LUZP2: variants seen among roughly 807,000 people sequenced by gnomAD.
The protein encoded by LUZP2 is leucine zipper protein 2.
A neutral mutation model predicts 51.6 loss-of-function variants in LUZP2; 52 were observed. That is an observed-to-expected ratio of 1.01 (90% CI 0.81 to 1.27). The LOEUF is 1.27. Ranked by LOEUF, LUZP2 falls within the 50% of genes most tolerant of loss-of-function variation. The probability of loss-of-function intolerance (pLI) is 0.00; values close to 1 mark genes in which losing one functional copy is unlikely to be tolerated. For missense variants in LUZP2, 436 were observed against 395.4 expected, an observed-to-expected ratio of 1.10 and a Z score of -0.87; for synonymous variants, 154 against 137.3, an observed-to-expected ratio of 1.12 and a Z score of -0.85.
At chr11:24,907,127 C>T (rs1343153922) in intron 6 of LUZP2, among the ~76,000 whole-genome samples, 6 of 152,058 alleles carry the variant, frequency 3.9e-5, no homozygotes, top group African/African-American at 1.4e-4. Context: ...GAAATAGTCT[C>T]TTCTATCTCA....
chr11:24,990,881 A>G (rs191332731), intron 9 of LUZP2, among the ~76,000 whole-genome samples: 21 of 151,864 alleles, frequency 1.4e-4, no homozygotes, highest in Non-Finnish European at 2.4e-4. Flanking sequence ...CCCCCCTTTC[A>G]TGGGTTCATC....
At chr11:25,015,869 G>C (rs1486256501) in intron 9 of LUZP2, among the ~76,000 whole-genome samples, 2 of 150,468 alleles carry the variant, frequency 1.3e-5, no homozygotes, top group Admixed American at 6.6e-5. Context: ...TTACATGAAC[G>C]AATTGTATAG....
intron 5 of LUZP2, among the ~76,000 whole-genome samples, chr11:24,829,608 A>G (rs1850640327): frequency 6.6e-6 from 1 of 152,228 alleles, no homozygotes; most frequent in Non-Finnish European, 1.5e-5. Context: ...GGCTATAGCC[A>G]TTGCTGCATT....
At chr11:24,712,472 A>G (rs1857871491) in intron 1 of LUZP2, among the ~76,000 whole-genome samples, 1 of 152,176 alleles carries the variant, frequency 6.6e-6, no homozygotes, top group Non-Finnish European at 1.5e-5. Context: ...TTTGCAGCTA[A>G]GGAACAGGAT....
chr11:24,817,688 T>C (rs529816920), intron 5 of LUZP2, among the ~76,000 whole-genome samples: 1 of 152,218 alleles, frequency 6.6e-6, no homozygotes, highest in South Asian at 2.1e-4. Context: ...TTGGTATTTT[T>C]TTCTAATCTG....
chr11:24,607,697 T>A (rs1853975529), intron 1 of LUZP2, among the ~76,000 whole-genome samples: 1 of 152,124 alleles, frequency 6.6e-6, no homozygotes, highest in Non-Finnish European at 1.5e-5. Context: ...CTGATAAGGA[T>A]CGCATTGGAT....
At chr11:24,961,516 T>C (rs1855405360) in intron 7 of LUZP2, among the ~76,000 whole-genome samples, 1 of 152,068 alleles carries the variant, frequency 6.6e-6, no homozygotes, top group Admixed American at 6.6e-5. Context: ...CTTCTTTGTC[T>C]CTTTTGATCT....
intron 7 of LUZP2, among the ~76,000 whole-genome samples, chr11:24,942,848 A>T (rs898331705): frequency 9.2e-5 from 14 of 152,168 alleles, no homozygotes; most frequent in Non-Finnish European, 1.3e-4. Flanking sequence ...TGTTTCATAT[A>T]TGTAGGCTAT....
At chr11:24,514,594 A>C (rs1228466283) in intron 1 of LUZP2, among the ~76,000 whole-genome samples, 1 of 152,232 alleles carries the variant, frequency 6.6e-6, no homozygotes, top group African/African-American at 2.4e-5. Context: ...TACCATCGTC[A>C]TACAGAACCA....
chr11:24,605,589 T>G (rs1386704458), intron 1 of LUZP2, among the ~76,000 whole-genome samples: 1 of 151,834 alleles, frequency 6.6e-6, no homozygotes, highest in Non-Finnish European at 1.5e-5. Flanking sequence ...CATTGATAAT[T>G]TTCTTACGGT....
intron 7 of LUZP2, among the ~76,000 whole-genome samples, chr11:24,943,513 C>T (rs989463256): frequency 4.6e-5 from 7 of 152,130 alleles, no homozygotes; most frequent in Admixed American, 4.6e-4. Flanking sequence ...TCACCTTTTC[C>T]TGTAGGACTA....
intron 5 of LUZP2, among the ~76,000 whole-genome samples, chr11:24,777,436 A>G (rs1848968263): frequency 6.6e-6 from 1 of 152,178 alleles, no homozygotes; most frequent in African/African-American, 2.4e-5. Context: ...TGCTTTCATG[A>G]TGGACAGAGA....
intron 1 of LUZP2, among the ~76,000 whole-genome samples, chr11:24,620,989 C>G (rs988819015): frequency 2.0e-5 from 3 of 152,140 alleles, no homozygotes; most frequent in African/African-American, 7.2e-5. Flanking sequence ...TTCCCTGGAG[C>G]TCTTCCCCTT....
chr11:24,760,485 G>A (rs898318360), intron 4 of LUZP2, among the ~76,000 whole-genome samples: 6 of 152,124 alleles, frequency 3.9e-5, no homozygotes, highest in Admixed American at 2.0e-4. Context: ...TGGGGTTACT[G>A]TCAATATTTT....
chr11:25,011,877 G>A (rs1054807921), intron 9 of LUZP2, among the ~76,000 whole-genome samples: 26 of 151,606 alleles, frequency 1.7e-4, no homozygotes, highest in African/African-American at 6.3e-4. Context: ...GAATATATAT[G>A]TTTTTATTTT....
At chr11:25,011,878 T>G in intron 9 of LUZP2, among the ~76,000 whole-genome samples, 1 of 151,658 alleles carries the variant, frequency 6.6e-6, no homozygotes, top group East Asian at 1.9e-4. Flanking sequence ...AATATATATG[T>G]TTTTATTTTA....
chr11:24,814,670 G>C (rs1850119391), intron 5 of LUZP2, among the ~76,000 whole-genome samples: 1 of 152,120 alleles, frequency 6.6e-6, no homozygotes, highest in Non-Finnish European at 1.5e-5. Context: ...TTAAATCCTA[G>C]TGCGTTTGAA....
At chr11:24,558,077 G>A (rs1006369256) in intron 1 of LUZP2, among the ~76,000 whole-genome samples, 1 of 152,112 alleles carries the variant, frequency 6.6e-6, no homozygotes, top group African/African-American at 2.4e-5. Context: ...AAAAAGCAGA[G>A]GAAGGGTGAA....
intron 5 of LUZP2, among the ~76,000 whole-genome samples, chr11:24,819,998 T>C (rs566750800): frequency 1.3e-5 from 2 of 152,124 alleles, no homozygotes; most frequent in Non-Finnish European, 2.9e-5. Flanking sequence ...GAAGGAGTCA[T>C]GGCAGTTGAG....
Sources: allele counts gnomAD v4.1 joint callset (sites outside exome capture counted in the v4.1 genomes callset), GRCh38; gene constraint gnomAD v4.1.1; transcripts MANE v1.5; gene names NCBI Gene and HGNC (gene_info 2026-07-23, HGNC 2026-07-21).